KCTD19: variants seen among roughly 807,000 people sequenced by gnomAD.
KCTD19 encodes the protein potassium channel tetramerization domain containing 19.
KCTD19 carries 67 observed loss-of-function variants against 103.5 expected under a neutral mutation model. The ratio of observed to expected loss-of-function variants is 0.65; its 90% CI spans 0.53 to 0.79. The LOEUF is 0.79. Ranked by LOEUF, KCTD19 falls within the 30% of genes least tolerant of loss-of-function variation. The probability of loss-of-function intolerance (pLI) is 0.00; values close to 1 mark genes in which losing one functional copy is unlikely to be tolerated. For synonymous variants in KCTD19, 439 were observed against 452.2 expected, an observed-to-expected ratio of 0.97 and a Z score of 0.37; for missense variants, 980 against 1,136.1, an observed-to-expected ratio of 0.86 and a Z score of 1.98.
At position 67,296,249 on chromosome 16, in the gene KCTD19, C is replaced by A. The variant is rs200198245; in HGVS notation, c.1158G>T (p.Thr386=). 2.5e-6 allele frequency: 4 copies of A among 1,610,012 alleles called. No individual in the cohort carries two copies. Among genetic ancestry groups the A allele is most frequent in the Non-Finnish European group, 3.4e-6 (4 of 1,176,220 alleles). The change falls in exon 8 of 16, where the codon ACG becomes ACT. Residue 386 remains threonine (T), a synonymous_variant. Transcript: ENST00000304372. ...LAPMDVLNEW[T]AEITVYSPQQ... ...GTGGGGAATACACAGTGATCTCTGC[C>A]GTCCACTCATCTATGGGAATCCAGG...
intron 2 of KCTD19, among the ~76,000 whole-genome samples, chr16:67,318,342 G>A (rs140654633): frequency 5.3e-5 from 8 of 151,966 alleles, no homozygotes; most frequent in African/African-American, 1.7e-4. Flanking sequence ...CGGGAGGATC[G>A]CTTGAGCTCA....
chr16:67,303,473 A>G lies in KCTD19; in HGVS notation c.452-136T>C, dbSNP rs889921814. ...GGATATGGTCCTTGCCACTTGCCAG[A>G]CACATCTTCCTTCTTTATCTTTTCA... On this transcript the variant is annotated intron_variant, in intron 3 of 15. Coordinates refer to ENST00000304372, the MANE Select transcript of KCTD19 (RefSeq NM_001100915.3). The surrounding 1 kb of genome is among the most constrained non-coding windows in gnomAD (Gnocchi z 4.3). 1.6e-6 allele frequency: 1 copy of G among 610,548 alleles called. No homozygotes were observed. The highest frequency in any genetic ancestry group is 3.2e-5 in the Admixed American group (1 of 31,108). The allele number at this position is 610,548 out of a possible 1,614,324, so 37.8% of individuals were successfully genotyped here.
rs574268642 is a variant in KCTD19, at chr16:67,295,781, G to A, written c.1249-376C>T. 1.7e-4 allele frequency: 55 copies of A among 322,472 alleles called. 1 individual carries two copies. The highest frequency in any genetic ancestry group is 3.3e-4 in the Admixed American group (8 of 24,260). 20.0% of individuals were successfully genotyped at this position (322,472 alleles called of 1,614,324 possible). On this transcript the variant is annotated intron_variant, in intron 8 of 15. Coordinates refer to ENST00000304372, the MANE Select transcript of KCTD19 (RefSeq NM_001100915.3). Reference sequence around the variant, plus strand: ...GTTTTTTGAGGCAGAGTCACACTCCGTCACCCAGGTTGGAGTGCAGTGGCG... The same window carrying A: ...GTTTTTTGAGGCAGAGTCACACTCCATCACCCAGGTTGGAGTGCAGTGGCG...
chr16:67,303,476 C>T lies in KCTD19; in HGVS notation c.452-139G>A, dbSNP rs2036860210. The stretch of plus-strand genomic sequence containing the variant: ...TATGGTCCTTGCCACTTGCCAGACA[C>T]ATCTTCCTTCTTTATCTTTTCAGTT... On this transcript the variant is annotated intron_variant, in intron 3 of 15. Transcript: ENST00000304372. The surrounding 1 kb of genome is among the most constrained non-coding windows in gnomAD (Gnocchi z 4.3). 1.7e-6 allele frequency: 1 copy of T among 604,832 alleles called. No individual in the cohort carries two copies. Among genetic ancestry groups the T allele is most frequent in the African/African-American group, 1.9e-5 (1 of 53,178 alleles). The allele number at this position is 604,832 out of a possible 1,614,324, so 37.5% of individuals were successfully genotyped here.
intron 10 of KCTD19, 103 bp from the exon 11 acceptor site, chr16:67,294,797 AG>A (rs1363744124): frequency 2.6e-5 from 25 of 971,124 alleles, no homozygotes; most frequent in South Asian, 8.3e-5. Context: ...GCTAGACAGC[AG>A]GGAAGAAGGG....
chr16:67,313,682 G>A (rs771063109), intron 2 of KCTD19, among the ~76,000 whole-genome samples: 36 of 152,042 alleles, frequency 2.4e-4, no homozygotes, highest in East Asian at 7.8e-4. Context: ...TCCGCCTCCC[G>A]GGTTCAAGCA....
At chr16:67,321,432 GA>G (rs1474894967) in intron 1 of KCTD19, among the ~76,000 whole-genome samples, 1 of 152,028 alleles carries the variant, frequency 6.6e-6, no homozygotes, top group African/African-American at 2.4e-5. Context: ...CTAAATAAAT[GA>G]AAAAATATCT....
rs2036725070 is a variant in KCTD19, at chr16:67,293,600, G to A, written c.2162C>T (p.Pro721Leu). The A allele has an allele frequency of 6.2e-7, 1 of 1,613,618 alleles. No individual in the cohort carries two copies. The highest frequency in any genetic ancestry group is 1.1e-5 in the South Asian group (1 of 90,736). ...CTTCAGGGTGCCAGCTCTTTTTGGG[G>A]GTAAGTATGGCTTGAAGGTTGGCTC... Reference protein sequence around the residue: ...GPEPTFKPYLPPKRAGTLKDW... With the variant: ...GPEPTFKPYLLPKRAGTLKDW... The change falls in exon 12 of 16, where the codon CCC becomes CTC. Residue 721 changes from proline (P) to leucine (L), a missense_variant. Coordinates refer to ENST00000304372, the MANE Select transcript of KCTD19 (RefSeq NM_001100915.3). This position sits in a 1 kb window ranked among gnomAD's most constrained non-coding sequence, Gnocchi z 4.0.
In KCTD19 at chr16:67,293,917, T is replaced by G. The variant is rs554125061; in HGVS notation, c.1845A>C (p.Thr615=). The G allele has an allele frequency of 6.2e-7, 1 of 1,614,128 alleles. No homozygotes were observed. Among genetic ancestry groups the G allele is most frequent in the East Asian group, 2.2e-5 (1 of 44,868 alleles). Residue 615 remains threonine (T), a synonymous_variant, in exon 12 of 16, where the codon ACA becomes ACC. Transcript: ENST00000304372. This position sits in a 1 kb window ranked among gnomAD's most constrained non-coding sequence, Gnocchi z 4.0. The part of the protein sequence containing the change: ...PESPPKKKCT[T]INLTQKSETK... The stretch of plus-strand genomic sequence containing the variant: ...TTTCAGATTTCTGTGTGAGGTTGAT[T>G]GTGGTGCATTTCTTCTTTGGGGGGC...
chr16:67,294,257 A>G (rs1318445921), intron 11 of KCTD19, 86 bp from the exon 12 acceptor site: 3 of 1,355,746 alleles, frequency 2.2e-6, no homozygotes, highest in Non-Finnish European at 3.0e-6. Context: ...TGGGCCTCCA[A>G]GACTTCACTT....
chr16:67,311,884 C>G (rs555183989), intron 2 of KCTD19, among the ~76,000 whole-genome samples: 1 of 152,340 alleles, frequency 6.6e-6, no homozygotes, highest in African/African-American at 2.4e-5. Flanking sequence ...CACAGACAAG[C>G]TACACAGTTG....
intron 8 of KCTD19, chr16:67,295,722 G>GT: frequency 3.0e-6 from 1 of 336,872 alleles, no homozygotes; most frequent in African/African-American, 2.1e-5. Context: ...CTTCCCAGCA[G>GT]GCCACTCGGT....
intron 1 of KCTD19, among the ~76,000 whole-genome samples, chr16:67,325,555 T>C (rs2037142867): frequency 6.6e-6 from 1 of 152,026 alleles, no homozygotes; most frequent in Admixed American, 6.6e-5. Context: ...CCTCTTTTCT[T>C]GTTAAGGATA....
intron 2 of KCTD19, among the ~76,000 whole-genome samples, chr16:67,313,149 GC>G (rs1337066788): frequency 6.7e-6 from 1 of 149,826 alleles, no homozygotes; most frequent in Non-Finnish European, 1.5e-5. Flanking sequence ...TCCCTCAGTC[GC>G]CCAGGCTGGA....
Position 67,320,716 on chromosome 16 carries a change from C to T in KCTD19, c.173G>A (p.Arg58Lys). 6.2e-7 allele frequency: 1 copy of T among 1,614,180 alleles called. No individual in the cohort carries two copies. The highest frequency in any genetic ancestry group is 8.5e-7 in the Non-Finnish European group (1 of 1,180,034). Residue 58 changes from arginine to lysine, a missense_variant, in exon 2 of 16, where the codon AGA (arginine) becomes AAA (lysine). Physicochemically the swap from Arg to Lys is conservative, Grantham distance 26 (BLOSUM62 2). Coordinates refer to ENST00000304372, the MANE Select transcript of KCTD19 (RefSeq NM_001100915.3). The surrounding 1 kb of genome is among the most constrained non-coding windows in gnomAD (Gnocchi z 4.0). ...CACGTGCCTAAATGTGGAACCATCT[C>T]TGTCGATAAATAGCCTCTGGCTTTC... is the stretch of plus-strand genomic sequence containing the variant. ...SSESQRLFID[R>K]DGSTFRHVHY...
intron 6 of KCTD19, among the ~76,000 whole-genome samples, chr16:67,297,948 G>A (rs2036785849): frequency 2.6e-5 from 4 of 151,108 alleles, no homozygotes; most frequent in South Asian, 4.2e-4. Context: ...CCGCCACCAC[G>A]CCTGGCTAAT....
At chr16:67,312,640 T>G (rs1215853380) in intron 2 of KCTD19, among the ~76,000 whole-genome samples, 29 of 152,186 alleles carry the variant, frequency 1.9e-4, no homozygotes, top group Admixed American at 1.9e-3. Context: ...TCCTAACTCC[T>G]GATTTTCCTC....
Position 67,291,304 on chromosome 16 carries a change from C to G in KCTD19, c.2565+5G>C. 1 of 1,612,046 alleles carries G rather than the reference C, an allele frequency of 6.2e-7. No homozygotes were observed. The highest frequency in any genetic ancestry group is 1.3e-5 in the African/African-American group (1 of 75,032). ...GCCCCAGGGCCTGAGGCCTGTCACA[C>G]ATACCCACAGCCGATTGGCCAGGGA... On this transcript the variant is annotated splice_donor_5th_base_variant and intron_variant, in intron 14 of 15. Transcript: ENST00000304372.
chr16:67,299,252 C>T lies in KCTD19; in HGVS notation c.986+111G>A, dbSNP rs1298692645. On this transcript the variant is annotated intron_variant, in intron 6 of 15. Coordinates refer to ENST00000304372, the MANE Select transcript of KCTD19 (RefSeq NM_001100915.3). ...GGTAATGGCTAAAATGATGGGCTGG[C>T]CCCAAGGACACACTTCACCTCTGGC... 8 of 958,752 alleles carry T rather than the reference C, an allele frequency of 8.3e-6. No homozygotes were observed. The East Asian group carries it at 2.0e-4, about 24-fold the overall frequency. The allele number at this position is 958,752 out of a possible 1,614,324, so 59.4% of individuals were successfully genotyped here.
Sources: gnomAD v4.1 joint callset for allele counts (sites outside exome capture counted in the v4.1 genomes callset) on GRCh38, gnomAD v4.1.1 for gene constraint, Gnocchi (gnomAD v3.1) non-coding constraint, MANE v1.5 for transcripts, NCBI Gene and HGNC (gene_info 2026-07-23, HGNC 2026-07-21) for gene names.